The following AGXT variants were observed in gnomAD, a reference collection of about 807,000 sequenced individuals.
AGXT encodes the protein alanine--glyoxylate aminotransferase.
AGXT carries 41 observed loss-of-function variants against 46.9 expected under a neutral mutation model. The observed-to-expected ratio is 0.88, with a 90% CI of 0.68 to 1.14. The LOEUF is 1.14. Ranked by LOEUF, AGXT falls within the 50% of genes most tolerant of loss-of-function variation. The pLI is 0.00. For synonymous variants in AGXT, 244 were observed against 227.9 expected, an observed-to-expected ratio of 1.07 and a Z score of -0.64; for missense variants, 525 against 522.7, an observed-to-expected ratio of 1.00 and a Z score of -0.04.
chr2:240,874,562 T>A (rs1444991812), intron 6 of AGXT, among the ~76,000 whole-genome samples: 1 of 152,198 alleles, frequency 6.6e-6, no homozygotes, highest in Non-Finnish European at 1.5e-5. Context: ...GGAGGTGCCG[T>A]TCCCCAGAAC....
At chr2:240,870,900 A>C (rs2106428396) in intron 3 of AGXT, among the ~76,000 whole-genome samples, 192 bp downstream of exon 3, 1 of 152,156 alleles carries the variant, frequency 6.6e-6, no homozygotes, top group Non-Finnish European at 1.5e-5. Context: ...TGGTGGGAAG[A>C]CTGGTAAGGA....
intron 2 of AGXT, among the ~76,000 whole-genome samples, chr2:240,870,346 C>T (rs1327963427): frequency 1.3e-5 from 2 of 152,168 alleles, no homozygotes; most frequent in Admixed American, 1.3e-4. Context: ...GGAGCTCACT[C>T]TCTGCTTGGG....
At chr2:240,874,942 C>T (rs991555268) in intron 6 of AGXT, among the ~76,000 whole-genome samples, 167 bp from the exon 7 acceptor site, 4 of 152,284 alleles carry the variant, frequency 2.6e-5, no homozygotes, top group East Asian at 3.9e-4. Flanking sequence ...GAGGGACCCA[C>T]GACCCACCCG....
At chr2:240,876,337 A>G (rs1319452916) in intron 8 of AGXT, among the ~76,000 whole-genome samples, 2 of 152,196 alleles carry the variant, frequency 1.3e-5, no homozygotes, top group Non-Finnish European at 2.9e-5. Flanking sequence ...GCCCACAGAT[A>G]GGTGGGCGTG....
Position 240,869,175 on chromosome 2 carries a change from G to C in AGXT, c.171G>C (p.Met57Ile), listed in dbSNP as rs1258238960. 6.8e-7 allele frequency: 1 copy of C among 1,471,050 alleles called. No homozygotes were observed. Among genetic ancestry groups the C allele is most frequent in the South Asian group, 1.2e-5 (1 of 86,484 alleles). The allele number at this position is 1,471,050 out of a possible 1,614,324, so 91.1% of individuals were successfully genotyped here. ...CCTATACCACCCGCATGCAGATCAT[G>C]GACGAGATCAAGGAAGGCATCCAGT... ...GSMSKDMYQIMDEIKEGIQYV... is the reference protein window; with the variant it reads ...GSMSKDMYQIIDEIKEGIQYV... The change falls in exon 2 of 11, where the codon ATG (methionine) becomes ATC (isoleucine). Residue 57 changes from methionine (M) to isoleucine (I), a missense_variant. Transcript: ENST00000307503.
Position 240,871,468 on chromosome 2 carries a change from C to T in AGXT, c.524+19C>T, listed in dbSNP as rs199879522. On this transcript the variant is annotated intron_variant, in intron 4 of 10. Transcript: ENST00000307503. Reference sequence around the variant, plus strand: ...GCCACAGGTGAGCCTGGCCCCAGGGCGGTGGACTGGAGCACAGCTCAGAGC... The same window carrying T: ...GCCACAGGTGAGCCTGGCCCCAGGGTGGTGGACTGGAGCACAGCTCAGAGC... The T allele has an allele frequency of 3.5e-5, 54 of 1,559,020 alleles. No homozygotes were observed. Among genetic ancestry groups the T allele is most frequent in the East Asian group, 1.2e-4 (5 of 41,976 alleles).
At chr2:240,869,950 C>T (rs908728685) in intron 2 of AGXT, among the ~76,000 whole-genome samples, 6 of 152,242 alleles carry the variant, frequency 3.9e-5, no homozygotes, top group African/African-American at 1.2e-4. Context: ...AATACGCGAC[C>T]GCAACAGCCA....
intron 2 of AGXT, 141 bp downstream of exon 2, chr2:240,869,503 C>G: frequency 9.9e-7 from 1 of 1,007,092 alleles, no homozygotes; most frequent in East Asian, 2.6e-5. Context: ...AACCTCCTGC[C>G]AGCCCACTGC....
chr2:240,875,024 C>T (rs1575710504), intron 6 of AGXT, 85 bp from the exon 7 acceptor site: 3 of 1,273,272 alleles, frequency 2.4e-6, no homozygotes, highest in Non-Finnish European at 3.4e-6. Context: ...CGTCTCACTC[C>T]CGTGAAACAG....
chr2:240,876,343 G>A (rs1053754231), intron 8 of AGXT, among the ~76,000 whole-genome samples: 13 of 152,216 alleles, frequency 8.5e-5, no homozygotes, highest in Admixed American at 3.9e-4. Context: ...AGATAGGTGG[G>A]CGTGGATGTA....
In AGXT at chr2:240,868,879, A is replaced by G. The variant is rs182819405; in HGVS notation, c.14A>G (p.Lys5Arg). The change falls in exon 1 of 11, where the codon AAG becomes AGG. Residue 5 changes from lysine (K) to arginine (R), a missense_variant. Physicochemically the swap from Lys to Arg is conservative, Grantham distance 26 (BLOSUM62 2). Transcript: ENST00000307503. MASH[K>R]LLVTPPKALL... is the part of the protein sequence containing the mutation. ...TGGGTGCGGACCATGGCCTCTCACAAGCTGCTGGTGACCCCCCCCAAGGCC... is the reference window on the plus strand; with the variant it reads ...TGGGTGCGGACCATGGCCTCTCACAGGCTGCTGGTGACCCCCCCCAAGGCC... The G allele has an allele frequency of 1.2e-6, 2 of 1,612,188 alleles. No homozygotes were observed. The highest frequency in any genetic ancestry group is 4.5e-5 in the East Asian group (2 of 44,828).
chr2:240,871,301 G>C (rs753234546), intron 3 of AGXT, 48 bp from the exon 4 acceptor site: 2 of 1,505,850 alleles, frequency 1.3e-6, no homozygotes, highest in South Asian at 2.4e-5. Context: ...GGGGTGTTCT[G>C]GCCCCTGCCC....
At chr2:240,872,647 C>T (rs1340962737) in intron 4 of AGXT, among the ~76,000 whole-genome samples, 2 of 152,074 alleles carry the variant, frequency 1.3e-5, no homozygotes, top group African/African-American at 2.4e-5. Flanking sequence ...CCCTCAGGCA[C>T]CCGCTGTCCC....
In AGXT at chr2:240,878,743, T is replaced by A; in HGVS notation, c.1101T>A (p.Asn367Lys). ...KVLRIGLLGC[N>K]ATRENVDRVT... ...TGCGGATCGGCCTGCTGGGCTGCAA[T>A]GCCACCCGCGAGAATGTGGACCGCG... Residue 367 changes from asparagine to lysine, a missense_variant, in exon 11 of 11, where the codon AAT becomes AAA. Physicochemically the swap from Asn to Lys is moderately conservative, Grantham distance 94 (BLOSUM62 0). Coordinates refer to ENST00000307503, the MANE Select transcript of AGXT (RefSeq NM_000030.3). 6.3e-7 allele frequency: 1 copy of A among 1,579,020 alleles called. No individual in the cohort carries two copies.
intron 5 of AGXT, 67 bp from the exon 6 acceptor site, chr2:240,873,911 G>C: frequency 1.4e-6 from 2 of 1,416,618 alleles, no homozygotes; most frequent in South Asian, 1.1e-5. Flanking sequence ...AGCTAGGCAG[G>C]CATCCCGCTG....
intron 8 of AGXT, 127 bp from the exon 9 acceptor site, chr2:240,877,410 T>C: frequency 1.1e-6 from 1 of 911,422 alleles, no homozygotes; most frequent in Non-Finnish European, 1.7e-6. Flanking sequence ...AAAGTCAAAC[T>C]GGGGGCTCCA....
intron 5 of AGXT, 43 bp downstream of exon 5, chr2:240,873,092 T>C (rs201066378): frequency 6.4e-7 from 1 of 1,559,024 alleles, no homozygotes; most frequent in Non-Finnish European, 8.8e-7. Flanking sequence ...CAAGCAGCCT[T>C]GGGGCTCCGC....
chr2:240,872,327 G>C (rs868860526), intron 4 of AGXT, among the ~76,000 whole-genome samples: 17,665 of 63,462 alleles, frequency 0.28, 518 homozygotes, highest in African/African-American at 0.33. Context: ...GAACATGGAG[G>C]AGGAGGAGGG....
chr2:240,878,144 G>A lies in AGXT; in HGVS notation c.1065G>A (p.Thr355=), dbSNP rs143488099. The A allele has an allele frequency of 1.4e-5, 23 of 1,612,822 alleles. No homozygotes were observed. In the East Asian group the frequency reaches 2.0e-4, roughly 14 times the overall value. ...TCATGGGTGGCCTTGGGCCCTCCAC[G>A]GGGAAGGTGAGAGGGAGCGCCTCGA... The part of the protein sequence containing the change: ...IEIMGGLGPS[T]GKVLRIGLLG... Residue 355 remains threonine, a synonymous_variant, in exon 10 of 11, where the codon ACG becomes ACA. Coordinates refer to ENST00000307503, the MANE Select transcript of AGXT (RefSeq NM_000030.3).
Sources: gnomAD v4.1 joint callset for allele counts (sites outside exome capture counted in the v4.1 genomes callset) on GRCh38, gnomAD v4.1.1 for gene constraint, MANE v1.5 for transcripts, NCBI Gene and HGNC (gene_info 2026-07-23, HGNC 2026-07-21) for gene names.